NOL4: variants seen among roughly 807,000 people sequenced by gnomAD.
NOL4 encodes the protein cancer/testis antigen 125.
Under a neutral mutation model 75.9 loss-of-function variants are expected in NOL4, and 17 were observed. The ratio of observed to expected loss-of-function variants is 0.22; its 90% CI spans 0.15 to 0.34. NOL4 has a LOEUF of 0.34. Ranked by LOEUF, NOL4 falls within the 10% of genes least tolerant of loss-of-function variation. The pLI is 1.00. For synonymous variants in NOL4, 292 were observed against 289.9 expected, an observed-to-expected ratio of 1.01 and a Z score of -0.07; for missense variants, 614 against 793.5, an observed-to-expected ratio of 0.77 and a Z score of 2.72.
At chr18:34,014,629 C>G (rs2074574209) in intron 6 of NOL4, among the ~76,000 whole-genome samples, 1 of 151,924 alleles carries the variant, frequency 6.6e-6, no homozygotes, top group Non-Finnish European at 1.5e-5. Context: ...AACACTTCCT[C>G]ATGGGTCTCA....
chr18:33,948,968 A>T (rs186980949), intron 8 of NOL4, among the ~76,000 whole-genome samples: 47 of 152,210 alleles, frequency 3.1e-4, no homozygotes, highest in Middle Eastern at 6.8e-3. Context: ...AAGATTTTTC[A>T]GAAACTTGGG....
chr18:34,118,828 C>T (rs2079986068), intron 2 of NOL4, among the ~76,000 whole-genome samples: 1 of 152,110 alleles, frequency 6.6e-6, no homozygotes, highest in Admixed American at 6.5e-5. Context: ...TAGCAGTGTA[C>T]ATCATTGTAC....
intron 10 of NOL4, among the ~76,000 whole-genome samples, chr18:33,857,181 G>C (rs1326986441): frequency 6.6e-6 from 1 of 151,950 alleles, no homozygotes; most frequent in Non-Finnish European, 1.5e-5. Context: ...TAAACTGGAA[G>C]CTCCTCAACT....
chr18:34,034,273 G>A (rs934528660), intron 5 of NOL4, among the ~76,000 whole-genome samples: 2 of 139,920 alleles, frequency 1.4e-5, no homozygotes, highest in Non-Finnish European at 3.2e-5. Context: ...TCACACATCA[G>A]TAACAAGCTT....
chr18:34,209,126 G>T (rs2036329044), intron 1 of NOL4, among the ~76,000 whole-genome samples: 1 of 147,412 alleles, frequency 6.8e-6, no homozygotes, highest in African/African-American at 2.5e-5. Context: ...CAGGAGAACT[G>T]CTTGAACCTG....
chr18:34,162,009 T>G (rs181007287), intron 1 of NOL4, among the ~76,000 whole-genome samples: 1 of 152,270 alleles, frequency 6.6e-6, no homozygotes, highest in East Asian at 1.9e-4. Context: ...GCCAAACTAT[T>G]TCTATGCCGG....
Position 33,898,963 on chromosome 18 carries a change from C to T in NOL4, c.1543-15539G>A, listed in dbSNP as rs140851435. Among the ~76,000 whole-genome samples, 126 of 152,268 alleles carry T rather than the reference C, an allele frequency of 8.3e-4. 3 individuals are homozygous for T. The East Asian group carries it at 0.02, about 24-fold the overall frequency. The stretch of plus-strand genomic sequence containing the variant: ...TTATTAACTCAATTTTGCCTGTAAC[C>T]TCACAACACCCATCCCCACTCCACT... On this transcript the variant is annotated intron_variant, in intron 9 of 10. Transcript: ENST00000261592.
chr18:33,883,560 G>T, intron 9 of NOL4, 136 bp from the exon 10 acceptor site: 2 of 553,640 alleles, frequency 3.6e-6, no homozygotes, highest in Non-Finnish European at 5.6e-6. Flanking sequence ...AAGCACAGAT[G>T]CACATTTTCA....
chr18:34,079,256 G>A (rs1183214593), intron 5 of NOL4, among the ~76,000 whole-genome samples: 2 of 151,958 alleles, frequency 1.3e-5, no homozygotes, highest in African/African-American at 2.4e-5. Context: ...AGTAACTTTC[G>A]CATCATATGT....
intron 1 of NOL4, among the ~76,000 whole-genome samples, chr18:34,134,504 A>C (rs1323683521): frequency 6.6e-6 from 1 of 151,146 alleles, no homozygotes; most frequent in Non-Finnish European, 1.5e-5. Flanking sequence ...ACATTGATGA[A>C]GCAAAAACAG....
chr18:34,003,431 C>G (rs896148168), intron 6 of NOL4, among the ~76,000 whole-genome samples: 1 of 152,058 alleles, frequency 6.6e-6, no homozygotes, highest in African/African-American at 2.4e-5. Context: ...AAAGTTTACC[C>G]TACCACTTTT....
intron 9 of NOL4, among the ~76,000 whole-genome samples, chr18:33,920,173 G>T (rs1469163478): frequency 1.3e-5 from 2 of 152,046 alleles, no homozygotes; most frequent in African/African-American, 4.8e-5. Context: ...CATAGAGAGA[G>T]GGAAGGAGAG....
chr18:33,900,902 A>G (rs927150957), intron 9 of NOL4, among the ~76,000 whole-genome samples: 1 of 152,146 alleles, frequency 6.6e-6, no homozygotes, highest in African/African-American at 2.4e-5. Flanking sequence ...GTGTGTGTAT[A>G]TATCTGTTTA....
intron 7 of NOL4, 40 bp downstream of exon 7, chr18:33,958,199 G>A (rs771133501): frequency 3.3e-6 from 5 of 1,530,130 alleles, no homozygotes; most frequent in African/African-American, 1.4e-5. Flanking sequence ...AAAGTGAAGT[G>A]GTAAAAATTA....
At chr18:34,038,841 CTA>C (rs2076023087) in intron 5 of NOL4, among the ~76,000 whole-genome samples, 1 of 151,916 alleles carries the variant, frequency 6.6e-6, no homozygotes, top group Non-Finnish European at 1.5e-5. Context: ...CCTAAAGTGA[CTA>C]TGATCAGCAA....
At chr18:33,959,139 C>A (rs1438115973) in intron 6 of NOL4, among the ~76,000 whole-genome samples, 1 of 151,928 alleles carries the variant, frequency 6.6e-6, no homozygotes, top group East Asian at 1.9e-4. Context: ...AAAGCAAGAA[C>A]AATTAAATAA....
chr18:34,119,616 TA>T (rs1168947788), intron 2 of NOL4, among the ~76,000 whole-genome samples: 2 of 151,970 alleles, frequency 1.3e-5, no homozygotes, highest in Admixed American at 6.6e-5. Flanking sequence ...GTATCTGGGT[TA>T]TTTTTTTTAT....
intron 6 of NOL4, among the ~76,000 whole-genome samples, chr18:34,013,930 C>G (rs1232717210): frequency 6.6e-6 from 1 of 151,780 alleles, no homozygotes; most frequent in Non-Finnish European, 1.5e-5. Flanking sequence ...TAAACAACAC[C>G]TGGGCCAAAT....
intron 9 of NOL4, among the ~76,000 whole-genome samples, chr18:33,902,045 G>A (rs951178242): frequency 2.0e-5 from 3 of 151,970 alleles, no homozygotes; most frequent in African/African-American, 7.2e-5. Flanking sequence ...GAGAAAAGAG[G>A]GAAGTACAGA....
Sources: gnomAD v4.1 joint callset for allele counts (sites outside exome capture counted in the v4.1 genomes callset) on GRCh38, gnomAD v4.1.1 for gene constraint, MANE v1.5 for transcripts, NCBI Gene and HGNC (gene_info 2026-07-23, HGNC 2026-07-21) for gene names.